The following OR51B5 variants were observed in gnomAD, a reference collection of about 807,000 sequenced individuals.
OR51B5 encodes the protein olfactory receptor family 51 subfamily B member 5.
For synonymous variants in OR51B5, 186 were observed against 144.8 expected, an observed-to-expected ratio of 1.28 and a Z score of -2.04; for missense variants, 456 against 374.6, an observed-to-expected ratio of 1.22 and a Z score of -1.79.
At chr11:5,393,414 C>A (rs1259852215) in intron 1 of OR51B5, among the ~76,000 whole-genome samples, 1 of 151,912 alleles carries the variant, frequency 6.6e-6, no homozygotes, top group African/African-American at 2.4e-5. Flanking sequence ...ACAGAACAAT[C>A]ACTATGTAAA....
intron 1 of OR51B5, chr11:5,402,592 T>G (rs1364019226): frequency 4.3e-6 from 2 of 467,600 alleles, no homozygotes; most frequent in African/African-American, 4.0e-5. Context: ...GGATGATATG[T>G]CAACATGAAA....
intron 1 of OR51B5, chr11:5,389,715 T>G: frequency 6.2e-7 from 1 of 1,613,824 alleles, no homozygotes; most frequent in Non-Finnish European, 8.5e-7. Context: ...AGTATCTACT[T>G]TGGAGCGTGT....
chr11:5,378,912 C>T (rs1428923083), intron 1 of OR51B5, among the ~76,000 whole-genome samples: 1 of 150,926 alleles, frequency 6.6e-6, no homozygotes, highest in East Asian at 1.9e-4. Context: ...GGCGATTCCT[C>T]AGGGATCTAG....
chr11:5,469,754 C>T (rs907958804), intron 1 of OR51B5, among the ~76,000 whole-genome samples: 6 of 151,934 alleles, frequency 3.9e-5, no homozygotes, highest in Admixed American at 3.3e-4. Flanking sequence ...AAATGATTTC[C>T]CCTTTCTCTC....
chr11:5,489,136 A>G (rs1851539173), intron 1 of OR51B5: 1 of 1,613,914 alleles, frequency 6.2e-7, no homozygotes, highest in Non-Finnish European at 8.5e-7. Context: ...CCATGCTGTC[A>G]TAGGCAGAAT....
intron 1 of OR51B5, chr11:5,422,238 A>G: frequency 6.2e-7 from 1 of 1,613,514 alleles, no homozygotes; most frequent in Non-Finnish European, 8.5e-7. Flanking sequence ...GAAGGCATCT[A>G]CTTCATCCTC....
intron 1 of OR51B5, among the ~76,000 whole-genome samples, chr11:5,407,527 A>T (rs1308448637): frequency 6.6e-6 from 1 of 152,162 alleles, no homozygotes; most frequent in Non-Finnish European, 1.5e-5. Context: ...CATTTTTTGA[A>T]GATTTCTCAC....
chr11:5,456,381 C>T (rs780840522), intron 1 of OR51B5: 3 of 152,006 alleles, frequency 2.0e-5, no homozygotes, highest in Non-Finnish European at 2.9e-5. Context: ...AGACAGATGC[C>T]ATAAGAAAAA....
At chr11:5,398,179 TACCCTAA>T (rs1433643618) in intron 1 of OR51B5, among the ~76,000 whole-genome samples, 2 of 100,812 alleles carry the variant, frequency 2.0e-5, no homozygotes, top group Non-Finnish European at 5.2e-5. Context: ...TGTGCACATG[TACCCTAA>T]AACTTAAAAG....
At chr11:5,387,408 G>A (rs11037153) in intron 1 of OR51B5, among the ~76,000 whole-genome samples, 19,374 of 152,166 alleles carry the variant, frequency 0.13, 1,352 homozygotes, top group Non-Finnish European at 0.16. Flanking sequence ...AGGGTGGTTG[G>A]TTGAGTAGTA....
intron 1 of OR51B5, among the ~76,000 whole-genome samples, chr11:5,471,801 GAA>G (rs747217072): frequency 1.3e-5 from 2 of 152,084 alleles, no homozygotes; most frequent in African/African-American, 2.4e-5. Context: ...TACAAGCTGT[GAA>G]TTTACTTAGC....
chr11:5,454,219 A>G (rs750741297), intron 1 of OR51B5: 3 of 1,614,168 alleles, frequency 1.9e-6, no homozygotes, highest in East Asian at 2.2e-5. Flanking sequence ...TGTGTGTCAC[A>G]TATCCTGGCT....
In OR51B5 at chr11:5,481,097, CA is replaced by C. The variant is rs1268969152; in HGVS notation, n.84+24471del. Among the ~76,000 whole-genome samples the C allele has an allele frequency of 2.1e-4, 13 of 62,710 alleles. No homozygotes were observed. The East Asian group carries it at 4.1e-3, about 20-fold the overall frequency. 41.1% of individuals were successfully genotyped at this position (62,710 alleles called of 152,430 possible). A position where few individuals can be genotyped will look rare whatever the true frequency, so the allele number is the denominator to read the frequency against. ...CCAATATCCTTGATGAACATTGATG[CA>C]AAAATCCTCCATAAAATACTGGCAA... On this transcript the variant is annotated intron_variant and non_coding_transcript_variant, in intron 1 of 4. Transcript: ENST00000415970.
chr11:5,341,750 G>A (rs1270963502), downstream of OR51B5, among the ~76,000 whole-genome samples: 1 of 152,080 alleles, frequency 6.6e-6, no homozygotes, highest in Non-Finnish European at 1.5e-5. Flanking sequence ...GCAAAAGGAG[G>A]GTGAAGGAAC....
At chr11:5,352,741 C>T (rs4910757) in intron 1 of OR51B5, among the ~76,000 whole-genome samples, 58,928 of 150,896 alleles carry the variant, frequency 0.39, 11,793 homozygotes, top group Non-Finnish European at 0.42. Context: ...TGGCACCATA[C>T]ACATACATAC....
rs1196750166 is a variant in OR51B5 at position 5,359,009 on chromosome 11, C to T, written n.85-12099G>A. On this transcript the variant is annotated intron_variant and non_coding_transcript_variant, in intron 1 of 4. Coordinates refer to the OR51B5 transcript ENST00000415970. ...GGACGTATCTCAAAATAATAAGAGC[C>T]ATCTATGACAAACCCACAGCCAATA... is the stretch of plus-strand genomic sequence containing the variant. Among the ~76,000 whole-genome samples the T allele has an allele frequency of 2.8e-3, 429 of 151,282 alleles. 1 individual carries two copies. Among genetic ancestry groups the T allele is most frequent in the Middle Eastern group, 6.8e-3 (2 of 292 alleles).
At chr11:5,456,392 T>C (rs1442151646) in intron 1 of OR51B5, 1 of 152,058 alleles carries the variant, frequency 6.6e-6, no homozygotes, top group Non-Finnish European at 1.5e-5. Context: ...ATAAGAAAAA[T>C]GTAGGGCCAC....
intron 1 of OR51B5, chr11:5,352,541 G>T: frequency 1.4e-6 from 1 of 739,080 alleles, no homozygotes; most frequent in South Asian, 1.7e-5. Flanking sequence ...ATTTCAATGA[G>T]AACTAATCAA....
At chr11:5,424,981 CA>C (rs373245242) in intron 1 of OR51B5, among the ~76,000 whole-genome samples, 38 of 84,440 alleles carry the variant, frequency 4.5e-4, no homozygotes, top group African/African-American at 5.9e-4. Context: ...GACTCCGCCT[CA>C]AAAAAAAAAA....
Sources: allele counts gnomAD v4.1 joint callset (sites outside exome capture counted in the v4.1 genomes callset), GRCh38; gene constraint gnomAD v4.1.1; transcripts MANE v1.5; gene names NCBI Gene and HGNC (gene_info 2026-07-23, HGNC 2026-07-21).